Variants in CHEK1 observed in about 807,000 individuals in gnomAD.
CHEK1 encodes checkpoint kinase 1.
CHEK1 carries 32 observed loss-of-function variants against 60.2 expected under a neutral mutation model. The observed-to-expected ratio is 0.53, with a 90% CI of 0.40 to 0.71. CHEK1 has a LOEUF of 0.71. Among genes scored for constraint, CHEK1 ranks in the 30% least tolerant of loss-of-function variants. The pLI is 0.00. For synonymous variants in CHEK1, 179 were observed against 187.2 expected (o/e 0.96, Z 0.36); for missense variants, 399 against 564.6 (o/e 0.71, Z 2.97).
intron 13 of CHEK1, among the ~76,000 whole-genome samples, chr11:125,666,740 A>G (rs769773756): frequency 6.6e-5 from 10 of 152,162 alleles, no homozygotes; most frequent in Admixed American, 3.9e-4. Flanking sequence ...TTAACAATCT[A>G]TAAGGATGTT....
At chr11:125,626,977 A>T (rs569227959) in intron 2 of CHEK1, 144 bp downstream of exon 2, 5 of 844,860 alleles carry the variant, frequency 5.9e-6, no homozygotes, top group African/African-American at 1.7e-5. Flanking sequence ...AGGATTAAAA[A>T]TTTTTTCCTT....
rs1282489360 is a variant in CHEK1, at chr11:125,633,254, A to G, written c.516A>G (p.Pro172=). The G allele has an allele frequency of 1.6e-5, 25 of 1,607,532 alleles. No individual in the cohort carries two copies. The highest frequency in any genetic ancestry group is 2.7e-5 in the African/African-American group (2 of 74,484). Residue 172 remains proline (P), a synonymous_variant, in exon 6 of 13, where the codon CCA becomes CCG. Transcript: ENST00000438015. ...RLLNKMCGTL[P]YVAPELLKRR... ...TGAACAAGATGTGTGGTACTTTACCATATGTTGCTCCAGAACTTCTGAAGA... is the reference window on the plus strand; with the variant it reads ...TGAACAAGATGTGTGGTACTTTACCGTATGTTGCTCCAGAACTTCTGAAGA...
chr11:125,649,072 G>A (rs1053271617), intron 11 of CHEK1, among the ~76,000 whole-genome samples: 2 of 152,034 alleles, frequency 1.3e-5, no homozygotes, highest in South Asian at 2.1e-4. Flanking sequence ...CTGAGTAGTG[G>A]GTACTACAGG....
At chr11:125,626,344 A>C in intron 1 of CHEK1, 1 of 435,602 alleles carries the variant, frequency 2.3e-6, no homozygotes, top group Non-Finnish European at 4.1e-6. Flanking sequence ...GAATTGAGCA[A>C]TTGGGAGGAG....
Position 125,626,855 on chromosome 11 carries a change from T to C in CHEK1, c.65+22T>C, listed in dbSNP as rs777295331. 3.7e-6 allele frequency: 6 copies of C among 1,613,426 alleles called. No individual in the cohort carries two copies. In the South Asian group the frequency reaches 6.6e-5, roughly 18 times the overall value. On this transcript the variant is annotated intron_variant, in intron 2 of 12. Coordinates refer to ENST00000438015, the MANE Select transcript of CHEK1 (RefSeq NM_001114122.3). ...GAGAGTGAGTTCTTTTAAGCTTGCCTTCGTTTTCTGAGTGCATATTCATTG... is the reference window on the plus strand; with the variant it reads ...GAGAGTGAGTTCTTTTAAGCTTGCCCTCGTTTTCTGAGTGCATATTCATTG...
At chr11:125,660,222 G>C (rs1046499447), downstream of CHEK1, among the ~76,000 whole-genome samples, 1 of 152,112 alleles carries the variant, frequency 6.6e-6, no homozygotes, top group Non-Finnish European at 1.5e-5. Flanking sequence ...TTTTTTGATA[G>C]TGATAGTTTT....
At chr11:125,661,846 A>G (rs1942024251), downstream of CHEK1, among the ~76,000 whole-genome samples, 1 of 152,156 alleles carries the variant, frequency 6.6e-6, no homozygotes, top group African/African-American at 2.4e-5. Context: ...ATGTACATAC[A>G]TATCTTTGAA....
Position 125,625,861 on chromosome 11 carries a change from G to A in CHEK1, c.-172G>A. The A allele has an allele frequency of 2.8e-6, 2 of 702,652 alleles. No homozygotes were observed. Among genetic ancestry groups the A allele is most frequent in the Non-Finnish European group, 5.2e-6 (2 of 385,014 alleles). 43.5% of individuals were successfully genotyped at this position (702,652 alleles called of 1,614,324 possible). A position where few individuals can be genotyped will look rare whatever the true frequency, so the allele number is the denominator to read the frequency against. On this transcript the variant is annotated 5_prime_UTR_variant, in exon 1 of 13. Coordinates refer to ENST00000438015, the MANE Select transcript of CHEK1 (RefSeq NM_001114122.3). Reference sequence around the variant, plus strand: ...AACATCTCCACGTCACCCTTTTGGAGCCGCCGACATTCAGAGGGGCAGGAC... The same window carrying A: ...AACATCTCCACGTCACCCTTTTGGAACCGCCGACATTCAGAGGGGCAGGAC...
Position 125,656,440 on chromosome 11 carries a change from G to A in CHEK1, c.*1120G>A, listed in dbSNP as rs140816182. On this transcript the variant is annotated 3_prime_UTR_variant, in exon 13 of 13. Coordinates refer to ENST00000438015, the MANE Select transcript of CHEK1 (RefSeq NM_001114122.3). Reference sequence around the variant, plus strand: ...GAACATGTAGAATGTTATGATTAGAGTTTATCACATATTAATGTATACTGG... The same window carrying A: ...GAACATGTAGAATGTTATGATTAGAATTTATCACATATTAATGTATACTGG... 4.7e-6 allele frequency: 1 copy of A among 212,276 alleles called. No individual in the cohort carries two copies. The highest frequency in any genetic ancestry group is 2.3e-5 in the African/African-American group (1 of 44,198). 13.1% of individuals were successfully genotyped at this position (212,276 alleles called of 1,614,324 possible).
At chr11:125,651,286 C>CTTTT (rs59057522) in intron 11 of CHEK1, among the ~76,000 whole-genome samples, 1 of 128,160 alleles carries the variant, frequency 7.8e-6, no homozygotes. Flanking sequence ...AGACAAGCCT[C>CTTTT]TTTTTTTTTT....
At chr11:125,639,204 T>C (rs1407296315) in intron 8 of CHEK1, among the ~76,000 whole-genome samples, 1 of 152,084 alleles carries the variant, frequency 6.6e-6, no homozygotes, top group Non-Finnish European at 1.5e-5. Context: ...TTCTACGTAC[T>C]GCACACTTGT....
At chr11:125,632,170 A>C (rs1289255192) in intron 5 of CHEK1, among the ~76,000 whole-genome samples, 3 of 152,152 alleles carry the variant, frequency 2.0e-5, no homozygotes, top group African/African-American at 7.2e-5. Flanking sequence ...GTATGTATAG[A>C]TATACCTTGT....
At chr11:125,664,360 A>G (rs891840008) in intron 13 of CHEK1, among the ~76,000 whole-genome samples, 2 of 150,348 alleles carry the variant, frequency 1.3e-5, no homozygotes, top group Admixed American at 6.6e-5. Flanking sequence ...CAGCCTCCCA[A>G]GTAGCTGGGA....
At chr11:125,678,448 T>C (rs1942630877), downstream of CHEK1, 1 of 908,946 alleles carries the variant, frequency 1.1e-6, no homozygotes, top group African/African-American at 1.7e-5. Flanking sequence ...TTGGGAAAAA[T>C]CAACTAAGTA....
At chr11:125,680,256 G>A (rs191671354), downstream of CHEK1, among the ~76,000 whole-genome samples, 1 of 152,308 alleles carries the variant, frequency 6.6e-6, no homozygotes, top group East Asian at 1.9e-4. Flanking sequence ...CAGAAAACCT[G>A]ATTGATATAA....
chr11:125,674,828 C>T (rs1942410836), intron 13 of CHEK1, among the ~76,000 whole-genome samples: 2 of 152,204 alleles, frequency 1.3e-5, no homozygotes, highest in African/African-American at 4.8e-5. Context: ...TAAATTCAAA[C>T]TCTTTTTAAC....
At chr11:125,679,895 A>C (rs1188858192), downstream of CHEK1, among the ~76,000 whole-genome samples, 1 of 152,240 alleles carries the variant, frequency 6.6e-6, no homozygotes, top group African/African-American at 2.4e-5. Context: ...CTTATTACAT[A>C]AATACTATCT....
At chr11:125,651,794 G>C (rs1378773266) in intron 11 of CHEK1, among the ~76,000 whole-genome samples, 1 of 152,142 alleles carries the variant, frequency 6.6e-6, no homozygotes, top group Non-Finnish European at 1.5e-5. Context: ...CACTTGTTTT[G>C]AATAAGTTGC....
chr11:125,648,568 C>G (rs2136043412), intron 11 of CHEK1, among the ~76,000 whole-genome samples: 1 of 144,780 alleles, frequency 6.9e-6, no homozygotes, highest in Non-Finnish European at 1.5e-5. Context: ...GGCGACAGAT[C>G]AAGACTCCGT....
Sources: gnomAD v4.1 joint callset for allele counts (sites outside exome capture counted in the v4.1 genomes callset) on GRCh38, gnomAD v4.1.1 for gene constraint, MANE v1.5 for transcripts, NCBI Gene and HGNC (gene_info 2026-07-23, HGNC 2026-07-21) for gene names.